Variants in TBXAS1 observed in about 807,000 individuals in gnomAD.
TBXAS1 encodes thromboxane-A synthase.
TBXAS1 carries 48 observed loss-of-function variants against 60.7 expected under a neutral mutation model. The observed-to-expected ratio is 0.79, with a 90% confidence interval of 0.63 to 1.01. The LOEUF (loss-of-function observed/expected upper bound fraction) is 1.01, where lower values mean the gene tolerates loss of function less well. Ranked by LOEUF, TBXAS1 falls within the 50% of genes least tolerant of loss-of-function variation. The probability of loss-of-function intolerance (pLI) is 0.00; values close to 1 mark genes in which losing one functional copy is unlikely to be tolerated. For missense variants in TBXAS1, 685 were observed against 686.3 expected (o/e 1.00, Z 0.02); for synonymous variants, 287 against 269.7 (o/e 1.06, Z -0.63).
intron 9 of TBXAS1, among the ~76,000 whole-genome samples, chr7:139,963,685 A>G (rs907849380): frequency 3.3e-5 from 5 of 152,268 alleles, no homozygotes; most frequent in African/African-American, 1.2e-4. Flanking sequence ...GCAATCTATT[A>G]GGATACATTT....
chr7:139,784,224 T>TC (rs1797106988), intron 3 of TBXAS1, among the ~76,000 whole-genome samples: 2 of 148,906 alleles, frequency 1.3e-5, no homozygotes, highest in African/African-American at 5.0e-5. Context: ...CTTTCATTCT[T>TC]TCTCTCTCTC....
intron 1 of TBXAS1, among the ~76,000 whole-genome samples, chr7:139,871,560 T>A (rs542709564): frequency 1.3e-5 from 2 of 152,316 alleles, no homozygotes; most frequent in East Asian, 3.9e-4. Flanking sequence ...ACTGCCGCTT[T>A]CTCCTGGGAA....
chr7:139,868,080 C>T (rs186115017), intron 1 of TBXAS1, among the ~76,000 whole-genome samples: 114 of 152,254 alleles, frequency 7.5e-4, no homozygotes, highest in African/African-American at 2.5e-3. Context: ...TTTCTGTTGT[C>T]GTTTTCCAAC....
intron 4 of TBXAS1, among the ~76,000 whole-genome samples, chr7:139,817,822 T>C (rs1032999624): frequency 1.3e-5 from 2 of 152,218 alleles, no homozygotes; most frequent in Admixed American, 1.3e-4. Context: ...ACTGATATAT[T>C]TTATAGAAAA....
chr7:139,936,380 A>T, intron 5 of TBXAS1, 73 bp downstream of exon 5: 1 of 1,445,962 alleles, frequency 6.9e-7, no homozygotes. Context: ...GATGAGAGCC[A>T]GTTCATGTTG....
intron 4 of TBXAS1, among the ~76,000 whole-genome samples, chr7:139,813,083 TAAAATAAAATA>T (rs1798059067): frequency 1.5e-3 from 8 of 5,270 alleles, no homozygotes; most frequent in South Asian, 0.016. Flanking sequence ...ATAAATAAAA[TAAAATAAAATA>T]AAATAAAATA....
chr7:139,805,631 T>TTCCC (rs371429055), intron 4 of TBXAS1, among the ~76,000 whole-genome samples: 14 of 150,878 alleles, frequency 9.3e-5, no homozygotes, highest in South Asian at 2.1e-4. Flanking sequence ...CCTTCTTTCC[T>TTCCC]TCCCTCCCTC....
chr7:139,952,802 G>A (rs955545435), intron 5 of TBXAS1: 107 of 1,126,642 alleles, frequency 9.5e-5, no homozygotes, highest in Non-Finnish European at 1.1e-4. Context: ...CCCAGTATTC[G>A]AAAGCTTAGC....
chr7:139,936,240 G>C lies in TBXAS1; in HGVS notation c.383G>C (p.Arg128Pro). Reference protein sequence around the residue: ...KSVADSVLFLRDKRWEEVRGA... With the variant: ...KSVADSVLFLPDKRWEEVRGA... ...GTAGCCGACAGCGTTCTGTTTTTAC[G>C]TGACAAAAGATGGGAAGAGGTCAGA... The change falls in exon 5 of 13, where the codon CGT becomes CCT. Residue 128 changes from arginine (R) to proline (P), a missense_variant. Physicochemically the swap from Arg to Pro is moderately radical, Grantham distance 103 (BLOSUM62 -2). Transcript: ENST00000448866. 6.2e-7 allele frequency: 1 copy of C among 1,614,242 alleles called. No individual in the cohort carries two copies.
intron 9 of TBXAS1, among the ~76,000 whole-genome samples, chr7:139,980,963 G>A (rs775654086): frequency 1.3e-5 from 2 of 151,182 alleles, no homozygotes; most frequent in East Asian, 1.9e-4. Context: ...TTATAAAAGC[G>A]AAACCAAAAA....
chr7:139,858,483 C>A (rs995007894), intron 1 of TBXAS1, among the ~76,000 whole-genome samples: 5 of 152,298 alleles, frequency 3.3e-5, no homozygotes, highest in Middle Eastern at 6.8e-3. Context: ...ACAGGGGATG[C>A]CTCTTAGCCA....
intron 3 of TBXAS1, 157 bp downstream of exon 3, chr7:139,875,794 C>A: frequency 2.1e-6 from 2 of 961,278 alleles, no homozygotes; most frequent in Non-Finnish European, 3.2e-6. Context: ...GGGAGTCCTG[C>A]AGTACAGACA....
At chr7:139,806,954 G>A (rs1230372475) in intron 4 of TBXAS1, among the ~76,000 whole-genome samples, 1 of 152,164 alleles carries the variant, frequency 6.6e-6, no homozygotes, top group African/African-American at 2.4e-5. Context: ...CTACCTAGGG[G>A]GTTCACAAAC....
intron 11 of TBXAS1, 91 bp from the exon 12 acceptor site, chr7:140,017,580 C>A: frequency 6.5e-7 from 1 of 1,548,330 alleles, no homozygotes; most frequent in Non-Finnish European, 8.8e-7. Context: ...ACATCCTTGT[C>A]TCAGATGCAG....
intron 9 of TBXAS1, among the ~76,000 whole-genome samples, chr7:139,965,845 T>C (rs1283684136): frequency 6.6e-6 from 1 of 151,956 alleles, no homozygotes; most frequent in East Asian, 1.9e-4. Context: ...TATTGGTAGG[T>C]TTTCTTTTTT....
chr7:139,961,795 A>T (rs1246082713), intron 8 of TBXAS1, 124 bp from the exon 9 acceptor site: 1 of 1,193,562 alleles, frequency 8.4e-7, no homozygotes, highest in Non-Finnish European at 1.2e-6. Context: ...AGCAATGAGG[A>T]AGCTTGTTGC....
At position 140,013,131 on chromosome 7, in the gene TBXAS1, A is replaced by G. The variant is rs532991907; in HGVS notation, c.1227-2592A>G. Reference sequence around the variant, plus strand: ...TTGGGGCAAGATGTATGACATAACAATTTAGGAATGAGTGAATACAGGTAG... The same window carrying G: ...TTGGGGCAAGATGTATGACATAACAGTTTAGGAATGAGTGAATACAGGTAG... On this transcript the variant is annotated intron_variant, in intron 10 of 12. Coordinates refer to ENST00000448866, the MANE Select transcript of TBXAS1 (RefSeq NM_001061.7). The surrounding 1 kb of genome is among the most constrained non-coding windows in gnomAD (Gnocchi z 4.2). Among the ~76,000 whole-genome samples, 1 of 152,124 alleles carries G rather than the reference A, an allele frequency of 6.6e-6. No homozygotes were observed. The highest frequency in any genetic ancestry group is 2.4e-5 in the African/African-American group (1 of 41,476).
intron 9 of TBXAS1, among the ~76,000 whole-genome samples, chr7:139,971,924 C>A (rs544239017): frequency 8.3e-4 from 127 of 152,278 alleles, no homozygotes; most frequent in Admixed American, 2.0e-3. Flanking sequence ...CTTCTCTGCT[C>A]CTGCTCCACC....
chr7:139,986,608 A>G (rs1812476209), intron 9 of TBXAS1, among the ~76,000 whole-genome samples: 1 of 150,434 alleles, frequency 6.6e-6, no homozygotes, highest in Non-Finnish European at 1.5e-5. Context: ...AGAACATACC[A>G]TGTTTGGTTT....
Sources: gnomAD v4.1 joint callset for allele counts (sites outside exome capture counted in the v4.1 genomes callset) on GRCh38, gnomAD v4.1.1 for gene constraint, Gnocchi (gnomAD v3.1) non-coding constraint, MANE v1.5 for transcripts, NCBI Gene and HGNC (gene_info 2026-07-23, HGNC 2026-07-21) for gene names.